GCNT4: variants seen among roughly 807,000 people sequenced by gnomAD.
The protein encoded by GCNT4 is glucosaminyl (N-acetyl) transferase 4, also known as beta-1,3-galactosyl-O-glycosyl-glycoprotein beta-1,6-N-acetylglucosaminyltransferase 4.
Under a neutral mutation model 31.3 loss-of-function variants are expected in GCNT4, and 17 were observed. That is an observed-to-expected ratio of 0.54 (90% CI 0.37 to 0.81). The LOEUF (loss-of-function observed/expected upper bound fraction) is 0.81, where lower values mean the gene tolerates loss of function less well. Ranked by LOEUF, GCNT4 falls within the 40% of genes least tolerant of loss-of-function variation. The pLI, the probability that GCNT4 is intolerant of heterozygous loss-of-function variation, is 0.00. For synonymous variants in GCNT4, 158 were observed against 190.6 expected, an observed-to-expected ratio of 0.83 and a Z score of 1.41; for missense variants, 503 against 525.5, an observed-to-expected ratio of 0.96 and a Z score of 0.42.
chr5:75,049,095 G>A (rs1034685566), intron 2 of GCNT4, among the ~76,000 whole-genome samples: 1 of 151,820 alleles, frequency 6.6e-6, no homozygotes, highest in Non-Finnish European at 1.5e-5. Context: ...AATCCACATT[G>A]GGAAGAATTT....
the GCNT4 span, among the ~76,000 whole-genome samples, chr5:75,018,931 G>A: frequency 6.6e-6 from 1 of 152,154 alleles, no homozygotes; most frequent in Non-Finnish European, 1.5e-5. Flanking sequence ...GAGAGAGGAA[G>A]TGCAGAGGGT....
In GCNT4 at chr5:75,027,288, AT is replaced by A. The variant is rs1742964906; in HGVS notation, c.*1387del. The A allele has an allele frequency of 1.8e-5, 2 of 111,392 alleles. No homozygotes were observed. The highest frequency in any genetic ancestry group is 9.8e-5 in the African/African-American group (2 of 20,328). The allele number at this position is 111,392 out of a possible 1,614,324, so 6.9% of individuals were successfully genotyped here. ...ATATTCATTATATGTTATATAATAT[AT>A]ATTTATATATATATAATTATATGTA... On this transcript the variant is annotated 3_prime_UTR_variant, in exon 4 of 4. Coordinates refer to ENST00000652361, the MANE Select transcript of GCNT4 (RefSeq NM_001366737.1).
rs1035689870 is a variant in GCNT4 at position 75,047,708 on chromosome 5, G to T, written c.-2+189C>A. ...AATCATGTATGAGCAACATTTTAGGGTTTTTTTTTTAAATTAAATAACCTG... is the reference window on the plus strand; with the variant it reads ...AATCATGTATGAGCAACATTTTAGGTTTTTTTTTTTAAATTAAATAACCTG... On this transcript the variant is annotated intron_variant, in intron 3 of 3. Transcript: ENST00000652361. The T allele has an allele frequency of 8.7e-5, 13 of 148,934 alleles. 1 individual carries two copies. The highest frequency in any genetic ancestry group is 4.3e-4 in the South Asian group (2 of 4,696). The allele number at this position is 148,934 out of a possible 1,614,324, so 9.2% of individuals were successfully genotyped here.
chr5:75,038,983 C>T (rs1357027698), intron 3 of GCNT4, among the ~76,000 whole-genome samples: 2 of 152,208 alleles, frequency 1.3e-5, no homozygotes, highest in African/African-American at 2.4e-5. Context: ...CAACAAAAGC[C>T]TTCATGTTGC....
At position 75,042,899 on chromosome 5, in the gene GCNT4, G is replaced by A. The variant is rs533550592; in HGVS notation, c.-2+4998C>T. On this transcript the variant is annotated intron_variant, in intron 3 of 3. Transcript: ENST00000652361. The stretch of plus-strand genomic sequence containing the variant: ...TGCATATTAGACACAATAAAATTAA[G>A]ACTCAGGAATTCAAAAATTAAGTTA... Among the ~76,000 whole-genome samples, 3 of 152,212 alleles carry A rather than the reference G, an allele frequency of 2.0e-5. No homozygotes were observed. In the East Asian group the frequency reaches 5.8e-4, roughly 29 times the overall value.
At chr5:75,053,455 C>T (rs923430223), upstream of GCNT4, among the ~76,000 whole-genome samples, 2 of 152,102 alleles carry the variant, frequency 1.3e-5, no homozygotes, top group Non-Finnish European at 2.9e-5. Flanking sequence ...AGGCTGAGAC[C>T]GGGTTAACAT....
chr5:75,052,982 G>T (rs1291550298), upstream of GCNT4: 1 of 152,146 alleles, frequency 6.6e-6, no homozygotes, highest in Non-Finnish European at 1.5e-5. Flanking sequence ...TGGCACTTGG[G>T]GAGAGTCCCG....
In GCNT4 at chr5:75,039,675, C is replaced by A. The variant is rs183619781; in HGVS notation, c.-2+8222G>T. On this transcript the variant is annotated intron_variant, in intron 3 of 3. Transcript: ENST00000652361. ...GCAGTAGTAGAGCCTGTTCTACAAC[C>A]AAAATGTATTTCAAATCCACCCACC... Among the ~76,000 whole-genome samples the A allele has an allele frequency of 1.4e-3, 206 of 152,236 alleles. 1 individual carries two copies. Among genetic ancestry groups the A allele is most frequent in the Non-Finnish European group, 2.2e-3 (153 of 68,020 alleles).
At chr5:75,037,816 T>G (rs1743231248) in intron 3 of GCNT4, among the ~76,000 whole-genome samples, 1 of 151,820 alleles carries the variant, frequency 6.6e-6, no homozygotes, top group South Asian at 2.1e-4. Flanking sequence ...AGATGGAGGT[T>G]GCAGTGAGCT....
rs1284213553 is a variant in GCNT4, at chr5:75,027,400, AAT to A, written c.*1274_*1275del. 1.4e-5 allele frequency: 2 copies of A among 142,688 alleles called. No individual in the cohort carries two copies. Among genetic ancestry groups the A allele is most frequent in the East Asian group, 3.9e-4 (2 of 5,120 alleles). 8.8% of individuals were successfully genotyped at this position (142,688 alleles called of 1,614,324 possible). On this transcript the variant is annotated 3_prime_UTR_variant, in exon 4 of 4. Coordinates refer to ENST00000652361, the MANE Select transcript of GCNT4 (RefSeq NM_001366737.1). ...TATGTAATGGAATTGTTCTATATAT[AAT>A]ATATAACATAAATATATATTACATA...
At chr5:75,034,389 A>G (rs891965585) in intron 3 of GCNT4, among the ~76,000 whole-genome samples, 7 of 152,206 alleles carry the variant, frequency 4.6e-5, no homozygotes, top group African/African-American at 1.7e-4. Context: ...AGGAATGGGA[A>G]CCAGCTCCTT....
intron 2 of GCNT4, 50 bp downstream of exon 2, chr5:75,052,119 G>A (rs1356761621): frequency 6.6e-6 from 1 of 151,786 alleles, no homozygotes. Flanking sequence ...CTTTAATAGG[G>A]ACATGTTTTA....
upstream of GCNT4, among the ~76,000 whole-genome samples, chr5:75,053,906 C>G (rs566298485): frequency 3.3e-5 from 5 of 152,334 alleles, no homozygotes; most frequent in South Asian, 1.0e-3. Context: ...AGCTAAGTAA[C>G]TTGCCCAAAG....
At chr5:75,045,568 T>C (rs1743419624) in intron 3 of GCNT4, among the ~76,000 whole-genome samples, 1 of 152,266 alleles carries the variant, frequency 6.6e-6, no homozygotes, top group South Asian at 2.1e-4. Flanking sequence ...CTTTCAGCTA[T>C]TGCGAATAAT....
chr5:75,039,031 C>T (rs1025560678), intron 3 of GCNT4, among the ~76,000 whole-genome samples: 4 of 152,088 alleles, frequency 2.6e-5, no homozygotes, highest in African/African-American at 4.8e-5. Context: ...TCCTAATGAT[C>T]GATGCTAAGA....
chr5:75,039,840 A>G (rs1743280561), intron 3 of GCNT4, among the ~76,000 whole-genome samples: 2 of 152,198 alleles, frequency 1.3e-5, no homozygotes, highest in Admixed American at 1.3e-4. Context: ...TAAACATACA[A>G]ATCAGATCAC....
downstream of GCNT4, among the ~76,000 whole-genome samples, chr5:75,022,172 T>A (rs1252605655): frequency 6.6e-6 from 1 of 152,190 alleles, no homozygotes; most frequent in Non-Finnish European, 1.5e-5. Flanking sequence ...ACTCACACCC[T>A]CCAAAATTCA....
intron 3 of GCNT4, among the ~76,000 whole-genome samples, chr5:75,036,843 C>A (rs1212003609): frequency 6.6e-6 from 1 of 152,226 alleles, no homozygotes; most frequent in Non-Finnish European, 1.5e-5. Context: ...CGTATCCTGT[C>A]ACCAATGACT....
upstream of GCNT4, chr5:75,052,626 C>G (rs959476517): frequency 6.6e-6 from 1 of 152,164 alleles, no homozygotes. Flanking sequence ...GCCTGGGAGG[C>G]GCGGCCCGCA....
Sources: allele counts gnomAD v4.1 joint callset (sites outside exome capture counted in the v4.1 genomes callset), GRCh38; gene constraint gnomAD v4.1.1; transcripts MANE v1.5; gene names NCBI Gene and HGNC (gene_info 2026-07-23, HGNC 2026-07-21).